The following CFAP299 variants were observed in gnomAD, a reference collection of about 807,000 sequenced individuals.
CFAP299 encodes cilia and flagella associated protein 299.
In CFAP299, 21 loss-of-function variants were observed where a neutral mutation model predicts 27.0. The observed-to-expected ratio is 0.78, with a 90% CI of 0.55 to 1.12. The LOEUF (loss-of-function observed/expected upper bound fraction) is 1.12, where lower values mean the gene tolerates loss of function less well. Among genes scored for constraint, CFAP299 ranks in the 50% most tolerant of loss-of-function variants. The pLI is 0.00. For missense variants in CFAP299, 310 were observed against 276.6 expected (o/e 1.12, Z -0.86); for synonymous variants, 104 against 98.1 (o/e 1.06, Z -0.36).
At chr4:80,895,341 T>C (rs1734563256) in intron 4 of CFAP299, among the ~76,000 whole-genome samples, 1 of 150,686 alleles carries the variant, frequency 6.6e-6, no homozygotes, top group Non-Finnish European at 1.5e-5. Context: ...AAAACTAAAA[T>C]GAGTTATTGC....
intron 3 of CFAP299, among the ~76,000 whole-genome samples, chr4:80,716,003 A>G (rs563359022): frequency 6.6e-6 from 1 of 152,164 alleles, no homozygotes; most frequent in South Asian, 2.1e-4. Flanking sequence ...TTGATTTTTA[A>G]TATGTCTAAA....
chr4:80,699,405 T>C (rs1721320766), intron 3 of CFAP299, among the ~76,000 whole-genome samples: 1 of 152,170 alleles, frequency 6.6e-6, no homozygotes, highest in Admixed American at 6.5e-5. Flanking sequence ...CGATCAGCTG[T>C]CACATTTCTT....
chr4:80,924,514 A>ATGTGTG (rs35374483), intron 4 of CFAP299, among the ~76,000 whole-genome samples: 3,683 of 137,382 alleles, frequency 0.027, 176 homozygotes, highest in African/African-American at 0.094. Context: ...ACAATTCATT[A>ATGTGTG]TGTGTGTGTG....
chr4:80,598,089 A>C (rs1737148287), intron 3 of CFAP299, among the ~76,000 whole-genome samples: 1 of 152,232 alleles, frequency 6.6e-6, no homozygotes, highest in Non-Finnish European at 1.5e-5. Context: ...CTGGATTTCA[A>C]ATTGCAGGTC....
At chr4:80,587,469 C>G (rs1468802531) in intron 3 of CFAP299, among the ~76,000 whole-genome samples, 4 of 152,144 alleles carry the variant, frequency 2.6e-5, no homozygotes, top group African/African-American at 9.7e-5. Context: ...TTTCTCAACT[C>G]AACACAGCCT....
chr4:80,432,913 C>A (rs1038033275), intron 2 of CFAP299, among the ~76,000 whole-genome samples: 13 of 152,104 alleles, frequency 8.5e-5, no homozygotes, highest in African/African-American at 2.9e-4. Flanking sequence ...CCCATCTTTC[C>A]CAGAATATTT....
intron 3 of CFAP299, among the ~76,000 whole-genome samples, chr4:80,857,572 T>A (rs1731996394): frequency 6.6e-6 from 1 of 152,232 alleles, no homozygotes; most frequent in Non-Finnish European, 1.5e-5. Flanking sequence ...TATTTTGAGA[T>A]ACATCCCATC....
intron 2 of CFAP299, among the ~76,000 whole-genome samples, chr4:80,430,165 A>G (rs1360729239): frequency 6.6e-6 from 1 of 152,200 alleles, no homozygotes; most frequent in Non-Finnish European, 1.5e-5. Flanking sequence ...CTAAACATGA[A>G]TTATGTACCA....
At chr4:80,918,626 A>C (rs1275405630) in intron 4 of CFAP299, among the ~76,000 whole-genome samples, 1 of 152,124 alleles carries the variant, frequency 6.6e-6, no homozygotes, top group African/African-American at 2.4e-5. Flanking sequence ...AAATATATTT[A>C]TAGTACTGGT....
At chr4:80,759,107 T>C (rs984901621) in intron 3 of CFAP299, among the ~76,000 whole-genome samples, 1 of 152,324 alleles carries the variant, frequency 6.6e-6, no homozygotes, top group African/African-American at 2.4e-5. Flanking sequence ...TTGTGTAATA[T>C]TCATGCCTAA....
intron 2 of CFAP299, among the ~76,000 whole-genome samples, chr4:80,562,134 A>C (rs1432168621): frequency 6.6e-6 from 1 of 152,176 alleles, no homozygotes; most frequent in African/African-American, 2.4e-5. Flanking sequence ...CAAGTAAAAA[A>C]ACCTACAACA....
At chr4:80,381,931 C>T (rs547533885) in intron 2 of CFAP299, among the ~76,000 whole-genome samples, 1 of 152,236 alleles carries the variant, frequency 6.6e-6, no homozygotes, top group African/African-American at 2.4e-5. Flanking sequence ...TATCTATAGT[C>T]TGCATTCCTA....
intron 2 of CFAP299, among the ~76,000 whole-genome samples, chr4:80,466,425 T>A (rs1278669036): frequency 2.0e-5 from 3 of 152,112 alleles, no homozygotes; most frequent in Non-Finnish European, 4.4e-5. Context: ...AAAGGAAGAG[T>A]TATGAAGGTT....
At chr4:80,730,280 A>ATGTGTG (rs1553953974) in intron 3 of CFAP299, among the ~76,000 whole-genome samples, 6 of 76,680 alleles carry the variant, frequency 7.8e-5, no homozygotes, top group South Asian at 9.5e-4. Flanking sequence ...GTGTGTGTGT[A>ATGTGTG]TGTGTGTGTG....
intron 2 of CFAP299, among the ~76,000 whole-genome samples, chr4:80,565,632 G>GTGTA (rs1396082669): frequency 6.6e-6 from 1 of 151,892 alleles, no homozygotes; most frequent in Non-Finnish European, 1.5e-5. Context: ...GAACCTAAAT[G>GTGTA]TGTATCTAGC....
chr4:80,925,211 G>A (rs1736248359), intron 4 of CFAP299, among the ~76,000 whole-genome samples: 1 of 151,662 alleles, frequency 6.6e-6, no homozygotes, highest in South Asian at 2.1e-4. Context: ...TTTTCATAAT[G>A]CTTTCACTCT....
intron 3 of CFAP299, among the ~76,000 whole-genome samples, chr4:80,656,814 A>G (rs1560680974): frequency 1.3e-5 from 2 of 152,148 alleles, no homozygotes; most frequent in African/African-American, 4.8e-5. Flanking sequence ...GTCTTCCATA[A>G]TGGTTGAACT....
intron 3 of CFAP299, among the ~76,000 whole-genome samples, chr4:80,715,568 T>C (rs1722431367): frequency 6.6e-6 from 1 of 152,104 alleles, no homozygotes. Flanking sequence ...GTCTACACTT[T>C]GTGTTATCAA....
chr4:80,608,393 G>A, intron 3 of CFAP299: 4 of 1,515,278 alleles, frequency 2.6e-6, no homozygotes, highest in African/African-American at 1.4e-5. Context: ...AGTAAGTACT[G>A]CTTATGGAAA....
Sources: gnomAD v4.1 joint callset for allele counts (sites outside exome capture counted in the v4.1 genomes callset) on GRCh38, gnomAD v4.1.1 for gene constraint, MANE v1.5 for transcripts, NCBI Gene and HGNC (gene_info 2026-07-23, HGNC 2026-07-21) for gene names.